The following NEGR1 variants were observed in gnomAD, a reference collection of about 807,000 sequenced individuals.
NEGR1 encodes the protein neuronal growth regulator 1, also known as IgLON family member 4.
NEGR1 carries 10 observed loss-of-function variants against 40.9 expected under a neutral mutation model. The ratio of observed to expected loss-of-function variants is 0.24; its 90% CI spans 0.15 to 0.42. The LOEUF (loss-of-function observed/expected upper bound fraction) is 0.42. Ranked by LOEUF, NEGR1 falls within the 10% of genes least tolerant of loss-of-function variation. The pLI, the probability that NEGR1 is intolerant of heterozygous loss-of-function variation, is 1.00. For missense variants in NEGR1, 352 were observed against 438.9 expected, an observed-to-expected ratio of 0.80 and a Z score of 1.77; for synonymous variants, 185 against 166.8, an observed-to-expected ratio of 1.11 and a Z score of -0.84.
chr1:71,966,034 G>A (rs116026170), intron 1 of NEGR1, among the ~76,000 whole-genome samples: 2,005 of 152,214 alleles, frequency 0.013, 42 homozygotes, highest in African/African-American at 0.046. Flanking sequence ...GCTAAACATT[G>A]ATGTAGAATG....
chr1:71,457,133 A>C (rs556504996), intron 6 of NEGR1, among the ~76,000 whole-genome samples: 1 of 152,070 alleles, frequency 6.6e-6, no homozygotes, highest in South Asian at 2.1e-4. Context: ...TTCACAAGGC[A>C]TCTCACTTCT....
Position 72,059,753 on chromosome 1 carries a change from A to C in NEGR1, c.177-124442T>G, listed in dbSNP as rs529410082. ...TCCTGCATATTAATATTATCCATGA[A>C]TCTTCATTCAATAAACATGATTTAA... On this transcript the variant is annotated intron_variant, in intron 1 of 6. Coordinates refer to ENST00000357731, the MANE Select transcript of NEGR1 (RefSeq NM_173808.3). Among the ~76,000 whole-genome samples, 54 of 151,782 alleles carry C rather than the reference A, an allele frequency of 3.6e-4. 1 individual carries two copies. In the South Asian group the frequency reaches 5.4e-3, roughly 15 times the overall value.
chr1:71,586,727 G>T (rs1239292623), intron 6 of NEGR1, among the ~76,000 whole-genome samples: 4 of 151,962 alleles, frequency 2.6e-5, no homozygotes, highest in Non-Finnish European at 5.9e-5. Context: ...ACATGTTCCA[G>T]GTATGAGATT....
chr1:71,658,125 T>C (rs1383833222), intron 4 of NEGR1, among the ~76,000 whole-genome samples: 1 of 152,166 alleles, frequency 6.6e-6, no homozygotes, highest in East Asian at 1.9e-4. Flanking sequence ...ATATCTGTAT[T>C]ATGTTGAAAG....
intron 3 of NEGR1, among the ~76,000 whole-genome samples, chr1:71,739,003 C>A (rs1023197914): frequency 6.6e-6 from 1 of 151,782 alleles, no homozygotes; most frequent in African/African-American, 2.4e-5. Context: ...AACAAACACC[C>A]CCCACCCACC....
rs907448588 is a variant in NEGR1 at position 72,165,921 on chromosome 1, A to G, written c.176+116398T>C. 6.1e-4 allele frequency among the ~76,000 whole-genome samples: 93 copies of G among 152,040 alleles called. 1 individual carries two copies. Among genetic ancestry groups the G allele is most frequent in the African/African-American group, 2.2e-3 (92 of 41,426 alleles). ...TTGATTAGGCATGAATGAATATGTTATATTTTTATTTGTCTGTCTTAGAAC... is the reference window on the plus strand; with the variant it reads ...TTGATTAGGCATGAATGAATATGTTGTATTTTTATTTGTCTGTCTTAGAAC... On this transcript the variant is annotated intron_variant, in intron 1 of 6. Coordinates refer to ENST00000357731, the MANE Select transcript of NEGR1 (RefSeq NM_173808.3).
chr1:71,878,958 A>G (rs968003014), intron 2 of NEGR1, among the ~76,000 whole-genome samples: 17 of 151,948 alleles, frequency 1.1e-4, no homozygotes, highest in Non-Finnish European at 4.4e-5. Context: ...ACATAGAGAA[A>G]CCCCGTCTCT....
intron 1 of NEGR1, among the ~76,000 whole-genome samples, chr1:72,271,497 T>A (rs558110119): frequency 2.6e-5 from 4 of 151,876 alleles, no homozygotes; most frequent in Non-Finnish European, 5.9e-5. Flanking sequence ...ATATATAATA[T>A]CCTTCTGTGA....
At chr1:71,730,573 A>G (rs963467538) in intron 3 of NEGR1, among the ~76,000 whole-genome samples, 7 of 145,392 alleles carry the variant, frequency 4.8e-5, no homozygotes, top group African/African-American at 1.5e-4. Flanking sequence ...ATAAATTTAT[A>G]TATATATATA....
intron 1 of NEGR1, among the ~76,000 whole-genome samples, chr1:72,227,083 A>G (rs1654215447): frequency 1.3e-5 from 2 of 152,112 alleles, no homozygotes; most frequent in Non-Finnish European, 2.9e-5. Flanking sequence ...AAAAATATGG[A>G]CTTTGGAATC....
chr1:71,706,164 T>C (rs1281626609), intron 3 of NEGR1, among the ~76,000 whole-genome samples: 3 of 152,148 alleles, frequency 2.0e-5, no homozygotes, highest in East Asian at 1.9e-4. Flanking sequence ...CAGAGCATCT[T>C]TGGACGCTGG....
At chr1:71,896,971 G>A (rs1660992442) in intron 2 of NEGR1, among the ~76,000 whole-genome samples, 2 of 152,096 alleles carry the variant, frequency 1.3e-5, no homozygotes, top group South Asian at 4.1e-4. Context: ...AATGTAATAA[G>A]CTGGGATTCA....
intron 2 of NEGR1, among the ~76,000 whole-genome samples, chr1:71,847,571 A>G (rs770861423): frequency 1.3e-5 from 2 of 152,200 alleles, no homozygotes; most frequent in African/African-American, 4.8e-5. Flanking sequence ...TGGGGCACCA[A>G]AAGCAGTGCC....
chr1:72,095,479 T>C (rs987791550), intron 1 of NEGR1, among the ~76,000 whole-genome samples: 2 of 152,074 alleles, frequency 1.3e-5, no homozygotes, highest in Non-Finnish European at 2.9e-5. Flanking sequence ...GTGATATATT[T>C]CTCTTGAATG....
chr1:71,558,463 A>G (rs557575834), intron 6 of NEGR1, among the ~76,000 whole-genome samples: 4 of 151,626 alleles, frequency 2.6e-5, no homozygotes, highest in Non-Finnish European at 4.4e-5. Context: ...CTGTTCCCTC[A>G]TTCCTTTATT....
chr1:71,407,930 A>G (rs1646288723), intron 6 of NEGR1: 1 of 174,560 alleles, frequency 5.7e-6, no homozygotes, highest in Non-Finnish European at 1.2e-5. Context: ...TATTTGTATT[A>G]ATGGACAAAT....
chr1:72,113,768 G>C (rs1324646150), intron 1 of NEGR1, among the ~76,000 whole-genome samples: 1 of 151,778 alleles, frequency 6.6e-6, no homozygotes, highest in South Asian at 2.1e-4. Context: ...CTAACAGTTA[G>C]GTGACTTCAT....
At chr1:72,064,261 G>A (rs149692920) in intron 1 of NEGR1, among the ~76,000 whole-genome samples, 56 of 151,768 alleles carry the variant, frequency 3.7e-4, no homozygotes, top group Admixed American at 3.1e-3. Flanking sequence ...TTTTTACTTC[G>A]TCTTTTTCTC....
intron 1 of NEGR1, among the ~76,000 whole-genome samples, chr1:71,952,856 C>T (rs922028664): frequency 4.6e-5 from 7 of 151,354 alleles, no homozygotes; most frequent in African/African-American, 1.7e-4. Context: ...ATCTACTCTG[C>T]CAGTGATTTA....
Sources: allele counts gnomAD v4.1 joint callset (sites outside exome capture counted in the v4.1 genomes callset), GRCh38; gene constraint gnomAD v4.1.1; transcripts MANE v1.5; gene names NCBI Gene and HGNC (gene_info 2026-07-23, HGNC 2026-07-21).